Variants in PDS5B observed in about 807,000 individuals in gnomAD.
PDS5B encodes sister chromatid cohesion protein PDS5 homolog B.
In PDS5B, 51 loss-of-function variants were observed where a neutral mutation model predicts 184.1. That is an observed-to-expected ratio of 0.28 (90% CI 0.22 to 0.35). The LOEUF is 0.35. Among genes scored for constraint, PDS5B ranks in the 10% least tolerant of loss-of-function variants. The probability of loss-of-function intolerance (pLI) is 1.00; values close to 1 mark genes in which losing one functional copy is unlikely to be tolerated. For missense variants in PDS5B, 1,180 were observed against 1,723.3 expected, an observed-to-expected ratio of 0.68 and a Z score of 5.58; for synonymous variants, 566 against 569.2, an observed-to-expected ratio of 0.99 and a Z score of 0.08.
At chr13:32,606,472 A>C (rs28770476) in intron 1 of PDS5B, among the ~76,000 whole-genome samples, 51,423 of 151,990 alleles carry the variant, frequency 0.34, 8,935 homozygotes, top group Non-Finnish European at 0.38. Context: ...GTGGGTAACC[A>C]GACCTTTCTC....
chr13:32,748,873 A>G (rs1158800826), intron 24 of PDS5B, among the ~76,000 whole-genome samples: 3 of 152,108 alleles, frequency 2.0e-5, no homozygotes, highest in African/African-American at 7.2e-5. Context: ...AGTACAGATA[A>G]TTCTGTCCTT....
chr13:32,679,543 G>T (rs2140790406), intron 10 of PDS5B, among the ~76,000 whole-genome samples: 1 of 152,182 alleles, frequency 6.6e-6, no homozygotes, highest in African/African-American at 2.4e-5. Flanking sequence ...GGCTGAGGCA[G>T]GAGAATTGCT....
chr13:32,706,009 G>A (rs1951998585), intron 17 of PDS5B, among the ~76,000 whole-genome samples: 1 of 151,976 alleles, frequency 6.6e-6, no homozygotes, highest in African/African-American at 2.4e-5. Context: ...CGGGCGTGGT[G>A]GCTCACATCT....
At chr13:32,689,779 C>T (rs1198322859) in intron 13 of PDS5B, 1 of 152,126 alleles carries the variant, frequency 6.6e-6, no homozygotes, top group Non-Finnish European at 1.5e-5. Flanking sequence ...AATTGAAATA[C>T]ATCCTAAAAT....
At position 32,758,617 on chromosome 13, in the gene PDS5B, G is replaced by C. The variant is rs776789459; in HGVS notation, c.3273G>C (p.Pro1091=). ...TTYSLESPKD[P]VLPARFFTQP... is the part of the protein sequence containing the mutation. ...ACAGTTTGGAATCTCCTAAAGACCC[G>C]GTACTACCAGCTCGTTTCTTCACTC... Residue 1091 remains proline, a synonymous_variant, in exon 28 of 35, where the codon CCG becomes CCC. Coordinates refer to ENST00000315596, the MANE Select transcript of PDS5B (RefSeq NM_015032.4). 3 of 1,613,310 alleles carry C rather than the reference G, an allele frequency of 1.9e-6. No individual in the cohort carries two copies. Among genetic ancestry groups the C allele is most frequent in the Non-Finnish European group, 2.5e-6 (3 of 1,179,448 alleles).
Position 32,775,096 on chromosome 13 carries a change from T to TA in PDS5B, c.*44_*45insA. 6 of 1,400,930 alleles carry TA rather than the reference T, an allele frequency of 4.3e-6. No homozygotes were observed. Among genetic ancestry groups the TA allele is most frequent in the Non-Finnish European group, 5.7e-6 (6 of 1,047,326 alleles). 86.8% of individuals were successfully genotyped at this position (1,400,930 alleles called of 1,614,324 possible). Reference sequence around the variant, plus strand: ...TTTCTCTGTGAAAGCTTTGGAAAAATCTTTTTTTTTTTTTTTGGTCAAGCT... The same window carrying TA: ...TTTCTCTGTGAAAGCTTTGGAAAAATACTTTTTTTTTTTTTTTGGTCAAGCT... On this transcript the variant is annotated 3_prime_UTR_variant, in exon 35 of 35. Transcript: ENST00000315596.
chr13:32,700,493 C>G (rs1844114639), intron 16 of PDS5B, among the ~76,000 whole-genome samples: 1 of 152,028 alleles, frequency 6.6e-6, no homozygotes, highest in Admixed American at 6.6e-5. Flanking sequence ...ATTTGTTAGT[C>G]ACTAGTCATC....
chr13:32,636,646 A>G (rs895766441), intron 1 of PDS5B, among the ~76,000 whole-genome samples: 5 of 152,206 alleles, frequency 3.3e-5, no homozygotes, highest in African/African-American at 1.2e-4. Context: ...AGTTCATCTT[A>G]GTAAGAACAT....
chr13:32,669,208 T>G (rs1950871566), intron 7 of PDS5B, among the ~76,000 whole-genome samples: 2 of 152,120 alleles, frequency 1.3e-5, no homozygotes, highest in African/African-American at 4.8e-5. Context: ...ACTATTTCCA[T>G]GGGCCATTAG....
Position 32,602,761 on chromosome 13 carries a change from G to T in PDS5B, c.-20+16168G>T, listed in dbSNP as rs1169421819. 2.0e-5 allele frequency among the ~76,000 whole-genome samples: 3 copies of T among 152,234 alleles called. No individual in the cohort carries two copies. The South Asian group carries it at 6.2e-4, about 32-fold the overall frequency. ...CTCCACATCCTCTCTAGCACCTGTTGTTTCCTGACTTTTTAAAGATCGCCA... is the reference window on the plus strand; with the variant it reads ...CTCCACATCCTCTCTAGCACCTGTTTTTTCCTGACTTTTTAAAGATCGCCA... On this transcript the variant is annotated intron_variant, in intron 1 of 34. Transcript: ENST00000315596.
intron 2 of PDS5B, among the ~76,000 whole-genome samples, chr13:32,650,822 A>G (rs1029316935): frequency 6.6e-6 from 1 of 152,230 alleles, no homozygotes; most frequent in African/African-American, 2.4e-5. Context: ...TTTGTTACTC[A>G]GAAGTCTAGC....
chr13:32,752,959 C>CAG (rs1340709413), intron 24 of PDS5B, among the ~76,000 whole-genome samples: 1 of 151,980 alleles, frequency 6.6e-6, no homozygotes, highest in Non-Finnish European at 1.5e-5. Context: ...TTTTCAGTGA[C>CAG]AGAACTAAAA....
intron 20 of PDS5B, among the ~76,000 whole-genome samples, chr13:32,734,884 T>C (rs1953269000): frequency 1.3e-5 from 2 of 152,212 alleles, no homozygotes; most frequent in African/African-American, 2.4e-5. Context: ...AACTATATGC[T>C]ATGAAGTCTG....
chr13:32,718,181 C>T (rs1471241173), intron 19 of PDS5B, among the ~76,000 whole-genome samples: 7 of 149,606 alleles, frequency 4.7e-5, no homozygotes, highest in Non-Finnish European at 7.4e-5. Context: ...GACGGAGTCT[C>T]GCTCTGTCGC....
At chr13:32,602,995 C>T (rs1285019235) in intron 1 of PDS5B, among the ~76,000 whole-genome samples, 1 of 152,134 alleles carries the variant, frequency 6.6e-6, no homozygotes. Flanking sequence ...TGGATATTAG[C>T]CCTTTGTCAG....
chr13:32,742,280 GAACTT>G (rs1410682755), intron 22 of PDS5B, among the ~76,000 whole-genome samples: 1 of 152,112 alleles, frequency 6.6e-6, no homozygotes, highest in East Asian at 1.9e-4. Context: ...TTGTAGTTGG[GAACTT>G]AACTTTTCTG....
intron 30 of PDS5B, among the ~76,000 whole-genome samples, chr13:32,762,426 A>G (rs1219882213): frequency 2.0e-5 from 3 of 152,184 alleles, no homozygotes; most frequent in Admixed American, 2.0e-4. Flanking sequence ...AATAAAAGAA[A>G]TTGCATTTAT....
intron 1 of PDS5B, among the ~76,000 whole-genome samples, chr13:32,617,802 A>G (rs1053121802): frequency 6.6e-6 from 1 of 152,228 alleles, no homozygotes; most frequent in African/African-American, 2.4e-5. Context: ...TGTGCTGCTA[A>G]TCTTACTGTT....
At chr13:32,729,116 G>T (rs1328339866) in intron 19 of PDS5B, among the ~76,000 whole-genome samples, 1 of 151,866 alleles carries the variant, frequency 6.6e-6, no homozygotes, top group Non-Finnish European at 1.5e-5. Context: ...CCCACAACAG[G>T]CCCTGGTGTG....
Sources: allele counts gnomAD v4.1 joint callset (sites outside exome capture counted in the v4.1 genomes callset), GRCh38; gene constraint gnomAD v4.1.1; transcripts MANE v1.5; gene names NCBI Gene and HGNC (gene_info 2026-07-23, HGNC 2026-07-21).